The following ANKHD1 variants were observed in gnomAD, a reference collection of about 807,000 sequenced individuals.
The protein encoded by ANKHD1 is ankyrin repeat and KH domain-containing protein 1.
A neutral mutation model predicts 230.5 loss-of-function variants in ANKHD1; 31 were observed. That is an observed-to-expected ratio of 0.13 (90% CI 0.10 to 0.18). ANKHD1 has a LOEUF of 0.18. Ranked by LOEUF, ANKHD1 falls within the 10% of genes least tolerant of loss-of-function variation. ANKHD1 has a pLI of 1.00. For synonymous variants in ANKHD1, 1,074 were observed against 1,117.6 expected (o/e 0.96, Z 0.78); for missense variants, 2,256 against 3,071.3 (o/e 0.73, Z 6.27).
chr5:140,460,000 C>T (rs922033110), intron 9 of ANKHD1, among the ~76,000 whole-genome samples: 12 of 151,876 alleles, frequency 7.9e-5, no homozygotes, highest in African/African-American at 2.9e-4. Context: ...CTTCTTTCTC[C>T]GTCTAATTGT....
chr5:140,517,938 A>G (rs1160087059), intron 24 of ANKHD1, among the ~76,000 whole-genome samples: 3 of 151,858 alleles, frequency 2.0e-5, no homozygotes, highest in Non-Finnish European at 4.4e-5. Context: ...AATAACTAAA[A>G]TCAGAGCAGA....
chr5:140,501,961 G>A (rs1346381736), intron 15 of ANKHD1, among the ~76,000 whole-genome samples: 1 of 151,672 alleles, frequency 6.6e-6, no homozygotes, highest in Non-Finnish European at 1.5e-5. Flanking sequence ...TAGCTACTTG[G>A]GAGGCTAAGG....
chr5:140,502,748 C>G (rs1436369410), intron 15 of ANKHD1, among the ~76,000 whole-genome samples: 2 of 151,334 alleles, frequency 1.3e-5, no homozygotes, highest in Non-Finnish European at 3.0e-5. Flanking sequence ...CATTGAATGA[C>G]AACAATTTTT....
intron 14 of ANKHD1, among the ~76,000 whole-genome samples, chr5:140,491,090 G>GTATATATATATATATATATATA (rs1482029581): frequency 1.2e-4 from 12 of 96,584 alleles, no homozygotes; most frequent in Non-Finnish European, 1.5e-4. Flanking sequence ...ATGTGTGTGT[G>GTATATATATATATATATATATA]TGTATATATA....
At chr5:140,475,547 CA>C (rs1346354026) in intron 10 of ANKHD1, among the ~76,000 whole-genome samples, 1 of 150,658 alleles carries the variant, frequency 6.6e-6, no homozygotes, top group African/African-American at 2.4e-5. Flanking sequence ...ATGTAAAAAA[CA>C]AAACAAAACA....
intron 10 of ANKHD1, among the ~76,000 whole-genome samples, chr5:140,471,304 G>A (rs1182866470): frequency 2.0e-5 from 3 of 152,116 alleles, no homozygotes; most frequent in East Asian, 3.9e-4. Context: ...AAGGTATTGG[G>A]GAATATTTGA....
chr5:140,407,046 C>T (rs1447807101), intron 1 of ANKHD1, among the ~76,000 whole-genome samples: 1 of 151,958 alleles, frequency 6.6e-6, no homozygotes. Flanking sequence ...CCTGTAATCC[C>T]AGCACTTTGG....
intron 23 of ANKHD1, 119 bp from the exon 24 acceptor site, chr5:140,513,244 A>T: frequency 1.0e-6 from 1 of 994,484 alleles, no homozygotes; most frequent in Non-Finnish European, 1.4e-6. Context: ...GGATAACTTA[A>T]TTTGGTTTAG....
chr5:140,438,677 G>C, intron 3 of ANKHD1, 60 bp downstream of exon 3: 2 of 1,464,062 alleles, frequency 1.4e-6, no homozygotes, highest in African/African-American at 2.8e-5. Flanking sequence ...TGGGGAAGTA[G>C]CCAATTTTGG....
chr5:140,430,652 CT>C (rs34643827), intron 1 of ANKHD1, among the ~76,000 whole-genome samples: 56,520 of 114,500 alleles, frequency 0.49, 11,977 homozygotes, highest in East Asian at 0.71. Flanking sequence ...TGGTTTCCAT[CT>C]TTTTTTTTTT....
intron 14 of ANKHD1, among the ~76,000 whole-genome samples, chr5:140,491,092 G>GTATATATATATATATATATATATATA (rs377535904): frequency 9.8e-6 from 1 of 102,414 alleles, no homozygotes; most frequent in Non-Finnish European, 1.8e-5. Context: ...GTGTGTGTGT[G>GTATATATATATATATATATATATATA]TATATATATA....
At chr5:140,476,319 T>A (rs1473868723) in intron 10 of ANKHD1, among the ~76,000 whole-genome samples, 2 of 152,116 alleles carry the variant, frequency 1.3e-5, no homozygotes, top group Non-Finnish European at 2.9e-5. Flanking sequence ...AGGAAATGTT[T>A]GAAGAGAATG....
chr5:140,509,582 G>A (rs759125620), intron 20 of ANKHD1, 55 bp from the exon 21 acceptor site: 69 of 1,444,978 alleles, frequency 4.8e-5, no homozygotes, highest in Non-Finnish European at 6.1e-5. Flanking sequence ...TTTGGTCTAC[G>A]GAATAGTTAA....
intron 2 of ANKHD1, 51 bp downstream of exon 2, chr5:140,436,308 C>T (rs748697686): frequency 2.1e-5 from 29 of 1,380,522 alleles, no homozygotes; most frequent in Non-Finnish European, 2.5e-5. Context: ...GTCTAGATCT[C>T]TTTACAGTTA....
At chr5:140,465,485 G>A (rs935677209) in intron 10 of ANKHD1, among the ~76,000 whole-genome samples, 4 of 152,134 alleles carry the variant, frequency 2.6e-5, no homozygotes, top group African/African-American at 9.7e-5. Context: ...TATTTTGTGA[G>A]AGTGCTTTAA....
At chr5:140,500,661 A>G (rs1752252081) in intron 15 of ANKHD1, among the ~76,000 whole-genome samples, 1 of 144,360 alleles carries the variant, frequency 6.9e-6, no homozygotes, top group African/African-American at 2.7e-5. Flanking sequence ...AAAAAAAAAA[A>G]AAAAAAAAGA....
intron 15 of ANKHD1, 142 bp from the exon 16 acceptor site, chr5:140,504,679 G>A (rs1752471414): frequency 1.3e-5 from 14 of 1,098,692 alleles, no homozygotes; most frequent in Non-Finnish European, 1.8e-5. Context: ...ATATTTAAAT[G>A]TAGGTCTGTC....
rs1418975976 is a variant in ANKHD1, at chr5:140,438,457, G to A, written c.461-4G>A. On this transcript the variant is annotated splice_polypyrimidine_tract_variant and splice_region_variant and intron_variant, in intron 2 of 33. Transcript: ENST00000360839. ...ACTACCTGATTGATTGATGCACACTGAAGGAATTGGCAAATTGTCAACTGC... is the reference window on the plus strand; with the variant it reads ...ACTACCTGATTGATTGATGCACACTAAAGGAATTGGCAAATTGTCAACTGC... 12 of 1,600,604 alleles carry A rather than the reference G, an allele frequency of 7.5e-6. No individual in the cohort carries two copies. In the South Asian group the frequency reaches 1.1e-4, roughly 15 times the overall value.
chr5:140,491,536 A>G (rs1379189060), intron 14 of ANKHD1, among the ~76,000 whole-genome samples: 1 of 151,588 alleles, frequency 6.6e-6, no homozygotes, highest in African/African-American at 2.4e-5. Flanking sequence ...CCCTTTGTTT[A>G]CTCAGTACTG....
Sources: allele counts gnomAD v4.1 joint callset (sites outside exome capture counted in the v4.1 genomes callset), GRCh38; gene constraint gnomAD v4.1.1; transcripts MANE v1.5; gene names NCBI Gene and HGNC (gene_info 2026-07-23, HGNC 2026-07-21).